Variants in DCC observed in about 807,000 individuals in gnomAD.
DCC encodes netrin receptor DCC.
Under a neutral mutation model 172.5 loss-of-function variants are expected in DCC, and 58 were observed. That is an observed-to-expected ratio of 0.34 (90% CI 0.27 to 0.42). The LOEUF is 0.42. DCC is among the 10% of genes least tolerant of loss of function. The pLI, the probability that DCC is intolerant of heterozygous loss-of-function variation, is 1.00. For synonymous variants in DCC, 709 were observed against 644.5 expected, an observed-to-expected ratio of 1.10 and a Z score of -1.52; for missense variants, 1,740 against 1,791.0, an observed-to-expected ratio of 0.97 and a Z score of 0.51.
At chr18:53,289,280 A>G (rs2056971669) in intron 12 of DCC, among the ~76,000 whole-genome samples, 1 of 152,298 alleles carries the variant, frequency 6.6e-6, no homozygotes, top group South Asian at 2.1e-4. Context: ...TGCAGTTTCT[A>G]AGCATGGAAT....
At chr18:52,347,811 C>T (rs1414760071) in intron 1 of DCC, among the ~76,000 whole-genome samples, 2 of 152,050 alleles carry the variant, frequency 1.3e-5, no homozygotes, top group African/African-American at 4.8e-5. Context: ...AGAATGTGGA[C>T]TAGATCAACT....
At chr18:52,732,581 G>C (rs2036661075) in intron 1 of DCC, among the ~76,000 whole-genome samples, 1 of 152,174 alleles carries the variant, frequency 6.6e-6, no homozygotes, top group Non-Finnish European at 1.5e-5. Context: ...TAACGAAGTG[G>C]AGTAGTTGGT....
chr18:52,759,909 G>T (rs2145146654), intron 2 of DCC, among the ~76,000 whole-genome samples: 1 of 152,282 alleles, frequency 6.6e-6, no homozygotes, highest in East Asian at 1.9e-4. Flanking sequence ...TTTATGCTAA[G>T]TCTTATCAGA....
At chr18:53,183,630 A>T (rs151253650) in intron 9 of DCC, among the ~76,000 whole-genome samples, 1 of 152,122 alleles carries the variant, frequency 6.6e-6, no homozygotes, top group Non-Finnish European at 1.5e-5. Context: ...TTTTAGATTT[A>T]AGAGTTGTAA....
chr18:52,984,258 G>T (rs1445724386), intron 5 of DCC, among the ~76,000 whole-genome samples: 1 of 152,000 alleles, frequency 6.6e-6, no homozygotes, highest in African/African-American at 2.4e-5. Flanking sequence ...AAATTTTATA[G>T]AAATAGAATT....
intron 1 of DCC, among the ~76,000 whole-genome samples, chr18:52,747,151 A>G (rs1371535090): frequency 6.6e-6 from 1 of 152,096 alleles, no homozygotes; most frequent in Non-Finnish European, 1.5e-5. Flanking sequence ...AGATGGAAAC[A>G]CTCATTTTTA....
intron 7 of DCC, among the ~76,000 whole-genome samples, chr18:53,152,630 T>C (rs574808644): frequency 4.6e-5 from 7 of 152,086 alleles, no homozygotes; most frequent in Non-Finnish European, 8.8e-5. Flanking sequence ...CCTCCTCTTC[T>C]CCATGACAAC....
At chr18:52,656,371 A>T (rs1333573812) in intron 1 of DCC, among the ~76,000 whole-genome samples, 5 of 152,002 alleles carry the variant, frequency 3.3e-5, no homozygotes, top group African/African-American at 1.2e-4. Context: ...TGAACTGGAA[A>T]ATGGGCCCTC....
intron 5 of DCC, among the ~76,000 whole-genome samples, chr18:53,009,776 C>G (rs1343484384): frequency 2.6e-5 from 4 of 151,886 alleles, no homozygotes; most frequent in African/African-American, 7.2e-5. Context: ...TACTCTGAAC[C>G]AGATGCTCAG....
chr18:52,791,737 G>C (rs2145206600), intron 2 of DCC, among the ~76,000 whole-genome samples: 1 of 152,210 alleles, frequency 6.6e-6, no homozygotes, highest in Non-Finnish European at 1.5e-5. Context: ...CCTTGATGGA[G>C]GAAGTGTGCT....
chr18:53,508,653 G>A (rs1304871849), intron 27 of DCC, among the ~76,000 whole-genome samples: 1 of 152,130 alleles, frequency 6.6e-6, no homozygotes, highest in African/African-American at 2.4e-5. Flanking sequence ...GCTGCTTGGT[G>A]CACACATGCC....
chr18:53,393,343 C>T (rs184551529), intron 17 of DCC, among the ~76,000 whole-genome samples: 33 of 152,278 alleles, frequency 2.2e-4, no homozygotes, highest in African/African-American at 7.9e-4. Flanking sequence ...TTCTTTGGTA[C>T]TGCTGCCCTG....
chr18:53,513,219 T>G (rs1169503399), intron 27 of DCC, among the ~76,000 whole-genome samples: 3 of 152,138 alleles, frequency 2.0e-5, no homozygotes, highest in East Asian at 3.9e-4. Context: ...CTAAGTTTCA[T>G]AAGTGAAGGA....
chr18:53,217,548 G>A (rs570064201), intron 12 of DCC, among the ~76,000 whole-genome samples: 9 of 151,986 alleles, frequency 5.9e-5, no homozygotes, highest in Non-Finnish European at 1.3e-4. Flanking sequence ...TTATTTCATA[G>A]CTTCTAAGAA....
chr18:52,988,079 T>C (rs1250233760), intron 5 of DCC, among the ~76,000 whole-genome samples: 2 of 152,232 alleles, frequency 1.3e-5, no homozygotes, highest in African/African-American at 4.8e-5. Flanking sequence ...TTTATTTATT[T>C]ATACAGCACC....
intron 2 of DCC, among the ~76,000 whole-genome samples, chr18:52,840,449 C>A (rs1411622513): frequency 6.6e-6 from 1 of 152,186 alleles, no homozygotes; most frequent in Admixed American, 6.5e-5. Context: ...CTGGTGCCTG[C>A]ATTCTCAGTA....
At chr18:52,701,608 C>T (rs2145036743) in intron 1 of DCC, among the ~76,000 whole-genome samples, 1 of 152,252 alleles carries the variant, frequency 6.6e-6, no homozygotes. Flanking sequence ...TCTTTTTAGA[C>T]CTATCGATTT....
At chr18:52,691,441 G>A (rs970449085) in intron 1 of DCC, among the ~76,000 whole-genome samples, 4 of 152,080 alleles carry the variant, frequency 2.6e-5, no homozygotes, top group Admixed American at 2.0e-4. Flanking sequence ...AGATCAAGGT[G>A]TCAGTAGGGC....
At chr18:52,973,154 T>C (rs1360377490) in intron 5 of DCC, among the ~76,000 whole-genome samples, 1 of 152,180 alleles carries the variant, frequency 6.6e-6, no homozygotes, top group Non-Finnish European at 1.5e-5. Context: ...GTATCTTCAA[T>C]TGGGTCTTTC....
Sources: gnomAD v4.1 joint callset for allele counts (sites outside exome capture counted in the v4.1 genomes callset) on GRCh38, gnomAD v4.1.1 for gene constraint, MANE v1.5 for transcripts, NCBI Gene and HGNC (gene_info 2026-07-23, HGNC 2026-07-21) for gene names.